LGALS9: variants seen among roughly 807,000 people sequenced by gnomAD.
LGALS9 encodes the protein galectin 9.
A neutral mutation model predicts 35.9 loss-of-function variants in LGALS9; 26 were observed. The ratio of observed to expected loss-of-function variants is 0.72; its 90% CI spans 0.53 to 1.01. The LOEUF (loss-of-function observed/expected upper bound fraction) is 1.01. Ranked by LOEUF, LGALS9 falls within the 50% of genes least tolerant of loss-of-function variation. The probability of loss-of-function intolerance (pLI) is 0.00; values close to 1 mark genes in which losing one functional copy is unlikely to be tolerated. For missense variants in LGALS9, 347 were observed against 445.8 expected (o/e 0.78, Z 1.99); for synonymous variants, 149 against 172.2 (o/e 0.87, Z 1.06).
chr17:27,636,635 AT>A (rs556073773), intron 1 of LGALS9, among the ~76,000 whole-genome samples: 16 of 148,960 alleles, frequency 1.1e-4, no homozygotes, highest in African/African-American at 2.0e-4. Context: ...ACACCTAGCT[AT>A]TTTTTTTTTA....
At chr17:27,641,122 A>T (rs1157062360) in intron 3 of LGALS9, 1 of 453,946 alleles carries the variant, frequency 2.2e-6, no homozygotes, top group Non-Finnish European at 4.3e-6. Flanking sequence ...TTTCAGCGAC[A>T]TCGTTCCAGC....
At chr17:27,641,259 A>G (rs1904479450) in intron 3 of LGALS9, among the ~76,000 whole-genome samples, 1 of 152,194 alleles carries the variant, frequency 6.6e-6, no homozygotes, top group Non-Finnish European at 1.5e-5. Context: ...ATCTGAGATA[A>G]GGATGTCCCC....
At chr17:27,632,325 C>T (rs2074401335) in intron 1 of LGALS9, among the ~76,000 whole-genome samples, 1 of 152,142 alleles carries the variant, frequency 6.6e-6, no homozygotes, top group Middle Eastern at 3.2e-3. Flanking sequence ...CCATGGCCCA[C>T]CTCAGCAGAG....
intron 5 of LGALS9, 149 bp downstream of exon 5, chr17:27,643,769 C>G: frequency 1.5e-6 from 2 of 1,330,218 alleles, no homozygotes. Context: ...CGCTGGGCAC[C>G]CAGAGCTGGG....
intron 1 of LGALS9, among the ~76,000 whole-genome samples, chr17:27,636,790 C>G (rs1251489672): frequency 1.3e-5 from 2 of 151,964 alleles, no homozygotes; most frequent in African/African-American, 4.8e-5. Context: ...TTTACATAAT[C>G]CTTTTTGACA....
chr17:27,641,501 G>T lies in LGALS9; in HGVS notation c.333+728G>T, dbSNP rs551131857. On this transcript the variant is annotated intron_variant, in intron 3 of 10. Coordinates refer to ENST00000395473, the MANE Select transcript of LGALS9 (RefSeq NM_009587.3). The stretch of plus-strand genomic sequence containing the variant: ...AACGATGAGAACACATGGACAAAAT[G>T]GGGGGAAACAACACACCCTTGGGCC... Among the ~76,000 whole-genome samples the T allele has an allele frequency of 2.0e-5, 3 of 152,104 alleles. No homozygotes were observed. In the East Asian group the frequency reaches 5.8e-4, roughly 29 times the overall value.
intron 6 of LGALS9, 153 bp downstream of exon 6, chr17:27,645,502 T>C: frequency 8.0e-7 from 1 of 1,254,660 alleles, no homozygotes; most frequent in Non-Finnish European, 1.1e-6. Context: ...AGGTTGGGGG[T>C]TGGATGTGGG....
chr17:27,632,205 G>A lies in LGALS9; in HGVS notation c.39+901G>A, dbSNP rs1598176874. The stretch of plus-strand genomic sequence containing the variant: ...CTGTCATAGGATCTCACCCCGCCTT[G>A]GCAAAGAGCTTCCCGAGGGGCTGGA... On this transcript the variant is annotated intron_variant, in intron 1 of 10. Coordinates refer to ENST00000395473, the MANE Select transcript of LGALS9 (RefSeq NM_009587.3). Among the ~76,000 whole-genome samples, 3 of 148,058 alleles carry A rather than the reference G, an allele frequency of 2.0e-5. No individual in the cohort carries two copies. In the East Asian group the frequency reaches 6.3e-4, roughly 31 times the overall value.
intron 1 of LGALS9, among the ~76,000 whole-genome samples, chr17:27,633,652 C>G (rs1201912859): frequency 1.3e-5 from 2 of 152,234 alleles, no homozygotes; most frequent in Admixed American, 1.3e-4. Context: ...TCTCTGGGCA[C>G]TATCAGGAAC....
At chr17:27,639,449 G>T (rs1904320387) in intron 2 of LGALS9, among the ~76,000 whole-genome samples, 1 of 151,720 alleles carries the variant, frequency 6.6e-6, no homozygotes, top group African/African-American at 2.4e-5. Context: ...GGAGCTTTCT[G>T]TCTCTCCCTT....
Position 27,647,028 on chromosome 17 carries a change from A to T in LGALS9, c.670-2A>T, listed in dbSNP as rs1904999827. On this transcript the variant is annotated splice_acceptor_variant, in intron 8 of 10. Transcript: ENST00000395473. LOFTEE classifies it high-confidence loss of function. ...GCTGACCTGTCCCCCTTCTTCCGACAGCCGATGCCTTTCATCACCACCATT... is the reference window on the plus strand; with the variant it reads ...GCTGACCTGTCCCCCTTCTTCCGACTGCCGATGCCTTTCATCACCACCATT... The T allele has an allele frequency of 5.0e-6, 8 of 1,613,950 alleles. No homozygotes were observed. Among genetic ancestry groups the T allele is most frequent in the Non-Finnish European group, 6.8e-6 (8 of 1,179,884 alleles).
Position 27,642,105 on chromosome 17 carries a change from G to A in LGALS9, c.334-133G>A, listed in dbSNP as rs182100632. ...TTGATGCACTTTGGGTCACACACAC[G>A]TTCCTGTAACTGGCCCCACACTGAA... is the stretch of plus-strand genomic sequence containing the variant. On this transcript the variant is annotated intron_variant, in intron 3 of 10. Transcript: ENST00000395473. 8.3e-5 allele frequency: 124 copies of A among 1,499,412 alleles called. No homozygotes were observed. The African/African-American group carries it at 1.2e-3, about 15-fold the overall frequency. The allele number at this position is 1,499,412 out of a possible 1,614,324, so 92.9% of individuals were successfully genotyped here. A position where few individuals can be genotyped will look rare whatever the true frequency, so the allele number is the denominator to read the frequency against.
rs771496495 is a variant in LGALS9 at position 27,647,081 on chromosome 17, A to G, written c.721A>G (p.Ile241Val). The G allele has an allele frequency of 1.9e-5, 30 of 1,614,090 alleles. No homozygotes were observed. Among genetic ancestry groups the G allele is most frequent in the South Asian group, 3.3e-5 (3 of 91,070 alleles). Residue 241 changes from isoleucine to valine, a missense_variant, in exon 9 of 11, where the codon ATC becomes GTC. Physicochemically the swap from Ile to Val is conservative, Grantham distance 29 (BLOSUM62 3). Coordinates refer to ENST00000395473, the MANE Select transcript of LGALS9 (RefSeq NM_009587.3). Reference protein sequence around the residue: ...ILGGLYPSKSILLSGTVLPSA... With the variant: ...ILGGLYPSKSVLLSGTVLPSA... ...GGGAGGGCTGTACCCATCCAAGTCC[A>G]TCCTCCTGTCAGGCACTGTCCTGCC...
chr17:27,642,216 A>G, intron 3 of LGALS9, 22 bp from the exon 4 acceptor site: 1 of 1,556,170 alleles, frequency 6.4e-7, no homozygotes, highest in East Asian at 2.3e-5. Context: ...CCTCCCCCAG[A>G]ACATGTGCTC....
rs768994707 is a variant in LGALS9 at position 27,647,084 on chromosome 17, C to A, written c.724C>A (p.Leu242Ile). 1.9e-6 allele frequency: 3 copies of A among 1,614,206 alleles called. No individual in the cohort carries two copies. Among genetic ancestry groups the A allele is most frequent in the South Asian group, 2.2e-5 (2 of 91,088 alleles). ...LGGLYPSKSI[L>I]LSGTVLPSAQ... is the part of the protein sequence containing the mutation. ...AGGGCTGTACCCATCCAAGTCCATC[C>A]TCCTGTCAGGCACTGTCCTGCCCAG... The change falls in exon 9 of 11, where the codon CTC becomes ATC. Residue 242 changes from leucine to isoleucine, a missense_variant. Coordinates refer to ENST00000395473, the MANE Select transcript of LGALS9 (RefSeq NM_009587.3).
rs141682305 is a variant in LGALS9 at position 27,646,412 on chromosome 17, G to A, written c.628-135G>A. The A allele has an allele frequency of 5.8e-4, 793 of 1,355,928 alleles. 3 individuals are homozygous for A. The African/African-American group carries it at 8.9e-3, about 15-fold the overall frequency. 84.0% of individuals were successfully genotyped at this position (1,355,928 alleles called of 1,614,324 possible). A position where few individuals can be genotyped will look rare whatever the true frequency, so the allele number is the denominator to read the frequency against. ...GGCTAACATGAAAAGGGAGGTAGACGGGCGAGTCCAAGGGCCAAAGGCTCA... is the reference window on the plus strand; with the variant it reads ...GGCTAACATGAAAAGGGAGGTAGACAGGCGAGTCCAAGGGCCAAAGGCTCA... On this transcript the variant is annotated intron_variant, in intron 7 of 10. Transcript: ENST00000395473.
At position 27,645,924 on chromosome 17, in the gene LGALS9, G is replaced by A; in HGVS notation, c.627+13G>A. On this transcript the variant is annotated intron_variant, in intron 7 of 10. Coordinates refer to ENST00000395473, the MANE Select transcript of LGALS9 (RefSeq NM_009587.3). ...ACAGATGTTCTCTGTAAGTCTACAA[G>A]TTCTGGTCAGTTCACAGCTGCACAG... 1 of 1,605,124 alleles carries A rather than the reference G, an allele frequency of 6.2e-7. No homozygotes were observed. The highest frequency in any genetic ancestry group is 8.5e-7 in the Non-Finnish European group (1 of 1,172,306).
intron 3 of LGALS9, among the ~76,000 whole-genome samples, chr17:27,641,682 A>G (rs1388096897): frequency 1.3e-5 from 2 of 152,100 alleles, no homozygotes; most frequent in Non-Finnish European, 2.9e-5. Context: ...CTTAAAATCA[A>G]AGTTGAAGGG....
At position 27,647,843 on chromosome 17, in the gene LGALS9, T is replaced by C. The variant is rs545958244; in HGVS notation, c.921+411T>C. ...TCCTGCCTCCAGGGAGTTTATAATT[T>C]AGGTGGGGAAAGAACAAGGAAAGTA... On this transcript the variant is annotated intron_variant, in intron 10 of 10. Transcript: ENST00000395473. 8.5e-5 allele frequency among the ~76,000 whole-genome samples: 13 copies of C among 152,292 alleles called. 1 individual carries two copies. In the East Asian group the frequency reaches 2.5e-3, roughly 29 times the overall value.
Sources: allele counts gnomAD v4.1 joint callset (sites outside exome capture counted in the v4.1 genomes callset), GRCh38; gene constraint gnomAD v4.1.1; transcripts MANE v1.5; gene names NCBI Gene and HGNC (gene_info 2026-07-23, HGNC 2026-07-21).